The following PTPRG variants were observed in gnomAD, a reference collection of about 807,000 sequenced individuals.
PTPRG encodes receptor-type tyrosine-protein phosphatase gamma.
A neutral mutation model predicts 165.3 loss-of-function variants in PTPRG; 102 were observed. The ratio of observed to expected loss-of-function variants is 0.62; its 90% confidence interval spans 0.53 to 0.73. The LOEUF (loss-of-function observed/expected upper bound fraction) is 0.73. PTPRG is among the 30% of genes least tolerant of loss of function. The pLI is 0.00. For synonymous variants in PTPRG, 675 were observed against 669.5 expected, an observed-to-expected ratio of 1.01 and a Z score of -0.13; for missense variants, 1,866 against 1,861.4, an observed-to-expected ratio of 1.00 and a Z score of -0.05.
At chr3:62,137,180 CTT>C (rs1001326631) in intron 6 of PTPRG, among the ~76,000 whole-genome samples, 3 of 152,074 alleles carry the variant, frequency 2.0e-5, no homozygotes, top group African/African-American at 7.2e-5. Flanking sequence ...AGAAGAAAGA[CTT>C]AGGGGAAAAT....
intron 2 of PTPRG, among the ~76,000 whole-genome samples, chr3:61,755,527 TTTAC>T (rs1213117592): frequency 6.6e-6 from 1 of 152,238 alleles, no homozygotes; most frequent in East Asian, 1.9e-4. Context: ...GTAGAATTTC[TTTAC>T]TTATTTGTTT....
intron 1 of PTPRG, among the ~76,000 whole-genome samples, chr3:61,621,972 C>T (rs961592819): frequency 4.6e-5 from 7 of 152,112 alleles, no homozygotes; most frequent in South Asian, 2.1e-4. Context: ...CTCCACAGTC[C>T]CTGTCCTTCT....
intron 2 of PTPRG, among the ~76,000 whole-genome samples, chr3:61,882,535 T>C (rs757040703): frequency 6.6e-6 from 1 of 152,238 alleles, no homozygotes; most frequent in Non-Finnish European, 1.5e-5. Flanking sequence ...TAAGGGCTTT[T>C]ATTTAAGCTG....
At chr3:61,604,744 T>C (rs1700954806) in intron 1 of PTPRG, among the ~76,000 whole-genome samples, 1 of 150,134 alleles carries the variant, frequency 6.7e-6, no homozygotes, top group Non-Finnish European at 1.5e-5. Context: ...CATGAGTTTT[T>C]TTTTCCCCCT....
At chr3:62,198,908 C>T (rs1277589463) in intron 10 of PTPRG, among the ~76,000 whole-genome samples, 2 of 152,096 alleles carry the variant, frequency 1.3e-5, no homozygotes, top group Admixed American at 1.3e-4. Flanking sequence ...TTAGAAAAAC[C>T]CCATTAGGCC....
intron 2 of PTPRG, among the ~76,000 whole-genome samples, chr3:61,908,411 C>CAA (rs776421819): frequency 0.015 from 866 of 57,300 alleles, 19 homozygotes; most frequent in Admixed American, 0.04. Flanking sequence ...GGCAACAGAG[C>CAA]AAAAAAAAAA....
intron 1 of PTPRG, among the ~76,000 whole-genome samples, chr3:61,725,552 T>G (rs543594975): frequency 6.6e-6 from 1 of 152,156 alleles, no homozygotes; most frequent in Non-Finnish European, 1.5e-5. Flanking sequence ...CTCTATTCTG[T>G]TCCATTGATC....
chr3:61,783,611 T>C (rs1036429169), intron 2 of PTPRG, among the ~76,000 whole-genome samples: 1 of 152,108 alleles, frequency 6.6e-6, no homozygotes, highest in East Asian at 1.9e-4. Flanking sequence ...TGAGATGGTG[T>C]GTGCTGCGGG....
At chr3:62,248,219 CAGAT>C (rs921283033) in intron 15 of PTPRG, among the ~76,000 whole-genome samples, 2 of 152,106 alleles carry the variant, frequency 1.3e-5, no homozygotes, top group African/African-American at 4.8e-5. Context: ...ATTATTTTAT[CAGAT>C]AGATTTTGAA....
chr3:61,905,609 G>A (rs1049607680), intron 2 of PTPRG, among the ~76,000 whole-genome samples: 8 of 152,128 alleles, frequency 5.3e-5, no homozygotes, highest in East Asian at 1.9e-4. Context: ...AAGCATCTCC[G>A]GAGCATTCTG....
intron 1 of PTPRG, among the ~76,000 whole-genome samples, chr3:61,606,903 A>G (rs1701025508): frequency 6.6e-6 from 1 of 152,168 alleles, no homozygotes; most frequent in Admixed American, 6.5e-5. Flanking sequence ...TAACCATAGC[A>G]CCAGATATCA....
intron 1 of PTPRG, among the ~76,000 whole-genome samples, chr3:61,608,728 A>G (rs559912911): frequency 1.2e-4 from 18 of 152,242 alleles, no homozygotes; most frequent in Non-Finnish European, 2.6e-4. Flanking sequence ...CCTGGGAAGC[A>G]GACTAGGAGA....
chr3:61,721,530 G>A (rs1238893962), intron 1 of PTPRG, among the ~76,000 whole-genome samples: 1 of 152,176 alleles, frequency 6.6e-6, no homozygotes, highest in East Asian at 1.9e-4. Context: ...AACTGATGGG[G>A]TTTGACCATC....
At chr3:62,208,128 T>C (rs891276309) in intron 12 of PTPRG, among the ~76,000 whole-genome samples, 1 of 152,092 alleles carries the variant, frequency 6.6e-6, no homozygotes, top group Non-Finnish European at 1.5e-5. Flanking sequence ...ATTGCTAGAG[T>C]TGCAACTTCC....
At chr3:62,180,573 C>T (rs1244845296) in intron 8 of PTPRG, among the ~76,000 whole-genome samples, 7 of 152,176 alleles carry the variant, frequency 4.6e-5, no homozygotes, top group African/African-American at 1.7e-4. Context: ...CAGGAAATCA[C>T]AGCATCATAA....
rs1423822222 is a variant in PTPRG, at chr3:62,292,423, A to C, written c.4058A>C (p.Tyr1353Ser). The change falls in exon 29 of 30, where the codon TAT becomes TCT. Residue 1353 changes from tyrosine (Y) to serine (S), a missense_variant and splice_region_variant. Coordinates refer to ENST00000474889, the MANE Select transcript of PTPRG (RefSeq NM_002841.4). ...RDGPTIVHDEYGAVSAGMLCA... is the reference protein window; with the variant it reads ...RDGPTIVHDESGAVSAGMLCA... ...TATCTTTTTTTTTTCTCCCCCAGGT[A>C]TGGAGCAGTTTCAGCAGGAATGTTA... 6.2e-7 allele frequency: 1 copy of C among 1,609,494 alleles called. No individual in the cohort carries two copies. Among genetic ancestry groups the C allele is most frequent in the Non-Finnish European group, 8.5e-7 (1 of 1,178,258 alleles).
At chr3:62,124,962 C>T (rs1050112635) in intron 5 of PTPRG, among the ~76,000 whole-genome samples, 3 of 152,068 alleles carry the variant, frequency 2.0e-5, no homozygotes, top group African/African-American at 4.8e-5. Context: ...GTCTGAATAC[C>T]TGGAGTCAGG....
chr3:62,165,515 G>A (rs1344540350), intron 7 of PTPRG, among the ~76,000 whole-genome samples: 1 of 152,086 alleles, frequency 6.6e-6, no homozygotes, highest in East Asian at 1.9e-4. Flanking sequence ...CCTTTCCTTT[G>A]CTGTAAATAA....
At chr3:61,694,031 GA>G (rs1261096214) in intron 1 of PTPRG, among the ~76,000 whole-genome samples, 1 of 149,876 alleles carries the variant, frequency 6.7e-6, no homozygotes, top group Non-Finnish European at 1.5e-5. Context: ...AAAAAAGAGA[GA>G]GAGAGAGAGA....
Sources: allele counts gnomAD v4.1 joint callset (sites outside exome capture counted in the v4.1 genomes callset), GRCh38; gene constraint gnomAD v4.1.1; transcripts MANE v1.5; gene names NCBI Gene and HGNC (gene_info 2026-07-23, HGNC 2026-07-21).